CHST9: variants seen among roughly 807,000 people sequenced by gnomAD.
CHST9 encodes the protein GalNAc-4-sulfotransferase 2.
Under a neutral mutation model 44.4 loss-of-function variants are expected in CHST9, and 41 were observed. The ratio of observed to expected loss-of-function variants is 0.92; its 90% CI spans 0.72 to 1.20. The LOEUF is 1.20. CHST9 is among the 50% of genes most tolerant of loss of function. The probability of loss-of-function intolerance (pLI) is 0.00; values close to 1 mark genes in which losing one functional copy is unlikely to be tolerated. For synonymous variants in CHST9, 171 were observed against 178.4 expected (o/e 0.96, Z 0.33); for missense variants, 504 against 516.5 (o/e 0.98, Z 0.23).
chr18:27,158,790 T>TGCCATTCC (rs2058719693), intron 1 of CHST9, among the ~76,000 whole-genome samples: 1 of 148,040 alleles, frequency 6.8e-6, no homozygotes, highest in South Asian at 2.2e-4. Flanking sequence ...TTTTAATGAT[T>TGCCATTCC]GCCATTCTAA....
At chr18:27,169,402 G>C (rs529057752) in intron 1 of CHST9, among the ~76,000 whole-genome samples, 1 of 151,908 alleles carries the variant, frequency 6.6e-6, no homozygotes, top group Non-Finnish European at 1.5e-5. Flanking sequence ...AAAAATATAA[G>C]GCAAAAATTG....
chr18:27,056,815 A>G (rs567019736), intron 2 of CHST9, among the ~76,000 whole-genome samples: 1 of 152,306 alleles, frequency 6.6e-6, no homozygotes, highest in Non-Finnish European at 1.5e-5. Flanking sequence ...ATATGTTTAC[A>G]TCACCTCCCT....
intron 1 of CHST9, among the ~76,000 whole-genome samples, chr18:27,180,679 G>A (rs2058904932): frequency 6.6e-6 from 1 of 152,128 alleles, no homozygotes; most frequent in Non-Finnish European, 1.5e-5. Context: ...CACTACCAGT[G>A]TGGCCTTTAG....
intron 4 of CHST9, among the ~76,000 whole-genome samples, chr18:27,018,738 G>C (rs2057184446): frequency 6.6e-6 from 1 of 152,152 alleles, no homozygotes; most frequent in Admixed American, 6.5e-5. Flanking sequence ...CTGCAGAAAA[G>C]TCTCTAACTA....
chr18:26,983,438 C>T (rs2056717000), intron 4 of CHST9, among the ~76,000 whole-genome samples: 1 of 152,050 alleles, frequency 6.6e-6, no homozygotes, highest in Admixed American at 6.6e-5. Flanking sequence ...GGTATTTCGC[C>T]CCCAACTCAC....
At chr18:27,084,411 T>C (rs2057989540) in intron 2 of CHST9, among the ~76,000 whole-genome samples, 1 of 151,544 alleles carries the variant, frequency 6.6e-6, no homozygotes, top group Non-Finnish European at 1.5e-5. Flanking sequence ...TCATTTCTTG[T>C]AGGTTTTCTA....
chr18:27,120,731 C>T (rs1482651798), intron 2 of CHST9, among the ~76,000 whole-genome samples: 1 of 152,210 alleles, frequency 6.6e-6, no homozygotes, highest in Non-Finnish European at 1.5e-5. Flanking sequence ...TGGTACCTAT[C>T]TCACAGAGTT....
intron 2 of CHST9, among the ~76,000 whole-genome samples, chr18:27,123,849 A>G (rs936010303): frequency 1.3e-5 from 2 of 152,228 alleles, no homozygotes; most frequent in African/African-American, 2.4e-5. Flanking sequence ...TGGGCCAAGC[A>G]GAGAAAATAC....
intron 1 of CHST9, among the ~76,000 whole-genome samples, chr18:27,173,280 C>T (rs1231954630): frequency 6.6e-6 from 1 of 151,986 alleles, no homozygotes; most frequent in Non-Finnish European, 1.5e-5. Flanking sequence ...GCTTGCCAGT[C>T]TTCCTGAAGT....
intron 2 of CHST9, among the ~76,000 whole-genome samples, chr18:27,060,265 T>TG (rs937808736): frequency 6.6e-6 from 1 of 151,978 alleles, no homozygotes; most frequent in Non-Finnish European, 1.5e-5. Flanking sequence ...GGCCTTCAAG[T>TG]GGGGGCTGGA....
At position 26,916,279 on chromosome 18, in the gene CHST9, AATTAAAC is replaced by A. The variant is rs753119683; in HGVS notation, c.1305_1311del (p.Met435IlefsTer32). On this transcript the variant is annotated frameshift_variant, in exon 6 of 6. Coordinates refer to ENST00000618847, the MANE Select transcript of CHST9 (RefSeq NM_031422.6). LOFTEE classifies it high-confidence loss of function. Reference sequence around the variant, plus strand: ...GCAAACTACAAAAATGGAGTTGTATAATTAAACATTAAATAGTCCAAGTAATAAAAGT... The same window carrying A: ...GCAAACTACAAAAATGGAGTTGTATAATTAAATAGTCCAAGTAATAAAAGT... 6.4e-7 allele frequency: 1 copy of A among 1,573,622 alleles called. No individual in the cohort carries two copies. The highest frequency in any genetic ancestry group is 2.2e-5 in the East Asian group (1 of 44,476).
intron 3 of CHST9, among the ~76,000 whole-genome samples, chr18:27,032,643 G>T (rs1283758115): frequency 6.6e-6 from 1 of 152,194 alleles, no homozygotes; most frequent in African/African-American, 2.4e-5. Flanking sequence ...ACAGAGCCAA[G>T]TGATATTAGG....
At chr18:27,076,180 T>C (rs1006415274) in intron 2 of CHST9, among the ~76,000 whole-genome samples, 4 of 152,194 alleles carry the variant, frequency 2.6e-5, no homozygotes, top group African/African-American at 4.8e-5. Flanking sequence ...TTCAAGACAA[T>C]AGGCTCTCTG....
At chr18:26,951,028 A>C (rs967905490) in intron 4 of CHST9, among the ~76,000 whole-genome samples, 3 of 152,226 alleles carry the variant, frequency 2.0e-5, no homozygotes, top group Non-Finnish European at 4.4e-5. Flanking sequence ...GAGTCATCCC[A>C]GATTTCTTAA....
chr18:26,969,903 T>A (rs1457691093), intron 4 of CHST9, among the ~76,000 whole-genome samples: 1 of 152,140 alleles, frequency 6.6e-6, no homozygotes, highest in Non-Finnish European at 1.5e-5. Flanking sequence ...TAAAATCTGT[T>A]CCCCTCTGAT....
intron 5 of CHST9, among the ~76,000 whole-genome samples, chr18:26,926,246 C>T (rs1212412553): frequency 2.0e-5 from 3 of 152,176 alleles, no homozygotes; most frequent in Non-Finnish European, 2.9e-5. Context: ...AAGCTAATTT[C>T]TATGGTCCTC....
Position 26,944,339 on chromosome 18 carries a change from A to G in CHST9, c.230T>C (p.Ile77Thr). 6.2e-7 allele frequency: 1 copy of G among 1,609,052 alleles called. No homozygotes were observed. Among genetic ancestry groups the G allele is most frequent in the Non-Finnish European group, 8.5e-7 (1 of 1,175,868 alleles). ...GAAATGAGAGAATACCTGGTTGGTG[A>G]TATGTTCCTGGATTTTTTCTGTACT... is the stretch of plus-strand genomic sequence containing the variant. ...IMSTEKIQEHITNQNPKFHMP... is the reference protein window; with the variant it reads ...IMSTEKIQEHTTNQNPKFHMP... The change falls in exon 5 of 6, where the codon ATC becomes ACC. Residue 77 changes from isoleucine to threonine, a missense_variant. By Grantham distance (89) the Ile-to-Thr change is moderately conservative. Coordinates refer to ENST00000618847, the MANE Select transcript of CHST9 (RefSeq NM_031422.6).
At chr18:26,996,858 C>T (rs180028) in intron 4 of CHST9, among the ~76,000 whole-genome samples, 1 of 152,274 alleles carries the variant, frequency 6.6e-6, no homozygotes, top group East Asian at 1.9e-4. Flanking sequence ...TAATTTGACT[C>T]TATGCTGCTT....
chr18:26,948,360 T>A (rs1182483029), intron 4 of CHST9, among the ~76,000 whole-genome samples: 1 of 152,104 alleles, frequency 6.6e-6, no homozygotes, highest in Non-Finnish European at 1.5e-5. Context: ...CAAACCTGTG[T>A]GTTCTGCACA....
Sources: allele counts gnomAD v4.1 joint callset (sites outside exome capture counted in the v4.1 genomes callset), GRCh38; gene constraint gnomAD v4.1.1; transcripts MANE v1.5; gene names NCBI Gene and HGNC (gene_info 2026-07-23, HGNC 2026-07-21).